Variants in PGAP6 observed in about 807,000 individuals in gnomAD.
PGAP6 encodes post-GPI attachment to proteins factor 6.
In PGAP6, 62 loss-of-function variants were observed where a neutral mutation model predicts 68.4. The ratio of observed to expected loss-of-function variants is 0.91; its 90% CI spans 0.74 to 1.12. The LOEUF is 1.12. PGAP6 is among the 50% of genes most tolerant of loss of function. The probability of loss-of-function intolerance (pLI) is 0.00; values close to 1 mark genes in which losing one functional copy is unlikely to be tolerated. For synonymous variants in PGAP6, 575 were observed against 474.0 expected, an observed-to-expected ratio of 1.21 and a Z score of -2.77; for missense variants, 1,188 against 1,068.5, an observed-to-expected ratio of 1.11 and a Z score of -1.56.
At chr16:378,476 G>T (rs76326299) in intron 1 of PGAP6, among the ~76,000 whole-genome samples, 1 of 89,174 alleles carries the variant, frequency 1.1e-5, no homozygotes, top group Non-Finnish European at 2.3e-5. Flanking sequence ...ATCGCCACCC[G>T]CACTGCCATC....
At chr16:382,081 G>A, upstream of PGAP6, 1 of 348,046 alleles carries the variant, frequency 2.9e-6, no homozygotes, top group Non-Finnish European at 4.8e-6. Context: ...GGGTCACGTG[G>A]GGCGCCGGTA....
intron 1 of PGAP6, among the ~76,000 whole-genome samples, 154 bp from the exon 2 acceptor site, chr16:378,002 C>T (rs2054402367): frequency 6.6e-6 from 1 of 152,108 alleles, no homozygotes; most frequent in Admixed American, 6.5e-5. Context: ...AGGTCACCGA[C>T]ACCCTCTGGC....
intron 1 of PGAP6, among the ~76,000 whole-genome samples, chr16:378,242 G>A (rs113633968): frequency 2.7e-3 from 92 of 34,112 alleles, no homozygotes; most frequent in South Asian, 7.9e-3. Context: ...ATCGCCACCC[G>A]CACTGCCATC....
At chr16:381,675 C>G (rs1474565466) in intron 1 of PGAP6, 26 bp downstream of exon 1, 3 of 1,197,118 alleles carry the variant, frequency 2.5e-6, no homozygotes, top group African/African-American at 1.6e-5. Context: ...CCCACGCCCC[C>G]GATGGCGCCC....
Position 377,822 on chromosome 16 carries a change from A to G in PGAP6, c.148T>C (p.Ser50Pro). 1 of 1,565,346 alleles carries G rather than the reference A, an allele frequency of 6.4e-7. No individual in the cohort carries two copies. Among genetic ancestry groups the G allele is most frequent in the Non-Finnish European group, 8.7e-7 (1 of 1,155,572 alleles). Residue 50 changes from serine to proline, a missense_variant, in exon 2 of 13, where the codon TCG becomes CCG. Physicochemically the swap from Ser to Pro is moderately conservative, Grantham distance 74. Coordinates refer to ENST00000431232, the MANE Select transcript of PGAP6 (RefSeq NM_021259.3). ...AAGGACAGCCTCTGCGGGGCCTGCG[A>G]GAAGTGCTCGGACACCAGCCCCACC... is the stretch of plus-strand genomic sequence containing the variant. The part of the protein sequence containing the change: ...SEVGLVSEHF[S>P]QAPQRLSFYS...
intron 3 of PGAP6, 29 bp from the exon 4 acceptor site, chr16:377,193 C>A: frequency 1.2e-6 from 2 of 1,612,140 alleles, no homozygotes; most frequent in Non-Finnish European, 8.5e-7. Flanking sequence ...TGGGCGGGGG[C>A]GGTGTCAGAG....
At chr16:375,837 G>C (rs557410479) in intron 6 of PGAP6, among the ~76,000 whole-genome samples, 1 of 152,304 alleles carries the variant, frequency 6.6e-6, no homozygotes, top group African/African-American at 2.4e-5. Flanking sequence ...GCCGGTGCTG[G>C]TGCCTTTCTC....
rs1192580104 is a variant in PGAP6 at position 371,833 on chromosome 16, G to A, written c.*154C>T. ...GAGGAGAGGTGCGTGTGAGGGAGGG[G>A]TGGCCCTCTCCTCAGTAGGAGGAAG... is the stretch of plus-strand genomic sequence containing the variant. On this transcript the variant is annotated 3_prime_UTR_variant, in exon 13 of 13. Transcript: ENST00000431232. 1 of 730,174 alleles carries A rather than the reference G, an allele frequency of 1.4e-6. No homozygotes were observed. Among genetic ancestry groups the A allele is most frequent in the Non-Finnish European group, 2.2e-6 (1 of 453,624 alleles). 45.2% of individuals were successfully genotyped at this position (730,174 alleles called of 1,614,324 possible).
rs1359909523 is a variant in PGAP6, at chr16:381,900, G to C, written c.-79C>G. On this transcript the variant is annotated 5_prime_UTR_variant, in exon 1 of 13. Coordinates refer to ENST00000431232, the MANE Select transcript of PGAP6 (RefSeq NM_021259.3). ...CGCCGCCGCCCGGGCAGCCTCTGCC[G>C]CCTCCGCCTCTGCCGCCTCCGCCTC... 5.5e-6 allele frequency: 1 copy of C among 183,290 alleles called. No individual in the cohort carries two copies. The highest frequency in any genetic ancestry group is 1.4e-4 in the African/African-American group (1 of 7,170). The allele number at this position is 183,290 out of a possible 1,614,324, so 11.4% of individuals were successfully genotyped here. A position where few individuals can be genotyped will look rare whatever the true frequency, so the allele number is the denominator to read the frequency against.
chr16:385,513 C>G (rs147708194), upstream of PGAP6, among the ~76,000 whole-genome samples: 5,919 of 146,518 alleles, frequency 0.04, 380 homozygotes, highest in East Asian at 0.18. Flanking sequence ...GGATTTCACC[C>G]TGTTAGCCAG....
At chr16:377,311 T>C in intron 3 of PGAP6, 67 bp downstream of exon 3, 1 of 1,551,128 alleles carries the variant, frequency 6.4e-7, no homozygotes, top group East Asian at 2.3e-5. Context: ...CCCAAAGAGG[T>C]GAACGGCAGG....
chr16:382,353 G>C, upstream of PGAP6: 1 of 385,816 alleles, frequency 2.6e-6, no homozygotes, highest in Non-Finnish European at 4.6e-6. Flanking sequence ...CAGAGGCGCC[G>C]ACCTCCGCCT....
chr16:374,955 C>T, intron 8 of PGAP6, 63 bp from the exon 9 acceptor site: 2 of 1,606,326 alleles, frequency 1.2e-6, no homozygotes, highest in Non-Finnish European at 8.5e-7. Flanking sequence ...GCCACCAGCG[C>T]TCCCAACAGG....
rs1228609317 is a variant in PGAP6, at chr16:381,941, T to A, written c.-120A>T. ...CCTCCGCCTCTGCCCCCGGCGCCCA[T>A]GGCCCGGCCGGTCCCCGCCGCCGTC... On this transcript the variant is annotated 5_prime_UTR_variant, in exon 1 of 13. An upstream start codon of the reference 5' UTR is lost. Coordinates refer to ENST00000431232, the MANE Select transcript of PGAP6 (RefSeq NM_021259.3). 3 of 966,872 alleles carry A rather than the reference T, an allele frequency of 3.1e-6. No homozygotes were observed. The highest frequency in any genetic ancestry group is 1.8e-5 in the African/African-American group (1 of 55,276). The allele number at this position is 966,872 out of a possible 1,614,324, so 59.9% of individuals were successfully genotyped here.
rs1567321916 is a variant in PGAP6 at position 372,181 on chromosome 16, T to C, written c.2122A>G (p.Ile708Val). 6.2e-7 allele frequency: 1 copy of C among 1,612,716 alleles called. No homozygotes were observed. The highest frequency in any genetic ancestry group is 8.5e-7 in the Non-Finnish European group (1 of 1,179,944). ...TCGCTAGTCATCATGGAGGTGTAGA[T>C]GGCGATGCCCACAGAGGCCATAGAG... is the stretch of plus-strand genomic sequence containing the variant. ...GVSMASVGIAIYTSMMTSDNY... is the reference protein window; with the variant it reads ...GVSMASVGIAVYTSMMTSDNY... The change falls in exon 13 of 13, where the codon ATC becomes GTC. Residue 708 changes from isoleucine to valine, a missense_variant. Coordinates refer to ENST00000431232, the MANE Select transcript of PGAP6 (RefSeq NM_021259.3).
intron 1 of PGAP6, among the ~76,000 whole-genome samples, chr16:378,275 C>CTCTGACTGCCATCG: frequency 6.8e-6 from 1 of 146,310 alleles, no homozygotes; most frequent in Non-Finnish European, 1.5e-5. Flanking sequence ...GCCATCCCCA[C>CTCTGACTGCCATCG]CCACACTGCC....
In PGAP6 at chr16:375,200, T is replaced by C. The variant is rs2054370799; in HGVS notation, c.1372A>G (p.Ile458Val). 1.9e-6 allele frequency: 3 copies of C among 1,613,242 alleles called. No individual in the cohort carries two copies. The highest frequency in any genetic ancestry group is 1.1e-5 in the South Asian group (1 of 91,076). ...TTGTCTGTCTCTGGGTAGGGGATGA[T>C]GAGGTTGGCCCTGCGAGACCAGGCG... ...LSAWSRRANL[I>V]IPYPETDNWY... Residue 458 changes from isoleucine to valine, a missense_variant, in exon 8 of 13, where the codon ATC becomes GTC. Coordinates refer to ENST00000431232, the MANE Select transcript of PGAP6 (RefSeq NM_021259.3).
intron 2 of PGAP6, 39 bp downstream of exon 2, chr16:377,632 G>A: frequency 6.4e-7 from 1 of 1,570,070 alleles, no homozygotes; most frequent in Non-Finnish European, 8.6e-7. Context: ...GGCTTGGCCA[G>A]GCGCGGGAGG....
chr16:375,231 A>T lies in PGAP6; in HGVS notation c.1341T>A (p.Ser447=). The T allele has an allele frequency of 6.2e-7, 1 of 1,613,170 alleles. No homozygotes were observed. Among genetic ancestry groups the T allele is most frequent in the Non-Finnish European group, 8.5e-7 (1 of 1,179,952 alleles). ...TTAFFQGYPL[S]LSAWSRRANL... is the part of the protein sequence containing the mutation. ...TGGCCCTGCGAGACCAGGCGCTCAG[A>T]GACAAAGGGTAGCCCTGGAAGAAGG... Residue 447 remains serine (S), a synonymous_variant, in exon 8 of 13, where the codon TCT becomes TCA. Coordinates refer to ENST00000431232, the MANE Select transcript of PGAP6 (RefSeq NM_021259.3).
Sources: gnomAD v4.1 joint callset for allele counts (sites outside exome capture counted in the v4.1 genomes callset) on GRCh38, gnomAD v4.1.1 for gene constraint, MANE v1.5 for transcripts, NCBI Gene and HGNC (gene_info 2026-07-23, HGNC 2026-07-21) for gene names.